Variants in IGSF3 observed in about 807,000 individuals in gnomAD.
IGSF3 encodes the protein glu-Trp-Ile EWI motif-containing protein 3.
In IGSF3, 23 loss-of-function variants were observed where a neutral mutation model predicts 114.4. That is an observed-to-expected ratio of 0.20 (90% CI 0.14 to 0.28). IGSF3 has a LOEUF of 0.28. Among genes scored for constraint, IGSF3 ranks in the 10% least tolerant of loss-of-function variants. The probability of loss-of-function intolerance (pLI) is 1.00; values close to 1 mark genes in which losing one functional copy is unlikely to be tolerated. For synonymous variants in IGSF3, 571 were observed against 645.2 expected (o/e 0.88, Z 1.74); for missense variants, 1,172 against 1,591.5 (o/e 0.74, Z 4.48).
rs918946861 is a variant in IGSF3 at position 116,582,849 on chromosome 1, T to C, written c.2848+1796A>G. Among the ~76,000 whole-genome samples, 1 of 152,228 alleles carries C rather than the reference T, an allele frequency of 6.6e-6. No homozygotes were observed. Among genetic ancestry groups the C allele is most frequent in the Non-Finnish European group, 1.5e-5 (1 of 68,032 alleles). On this transcript the variant is annotated intron_variant, in intron 9 of 10. Transcript: ENST00000369486. The surrounding 1 kb of genome is among the most constrained non-coding windows in gnomAD (Gnocchi z 4.7). ...GTAGGCCGTGAGATTATGGCTAACCTTTCTTTTCAAAATTATACTTTTCTG... is the reference window on the plus strand; with the variant it reads ...GTAGGCCGTGAGATTATGGCTAACCCTTCTTTTCAAAATTATACTTTTCTG...
rs185463328 is a variant in IGSF3 at position 116,661,378 on chromosome 1, G to A, written c.43+4906C>T. Among the ~76,000 whole-genome samples, 20 of 152,164 alleles carry A rather than the reference G, an allele frequency of 1.3e-4. No individual in the cohort carries two copies. Among genetic ancestry groups the A allele is most frequent in the Non-Finnish European group, 2.6e-4 (18 of 68,032 alleles). ...ACTACAGTAATGAACATGACAGATG[G>A]TCTTCAAGAATTTTATACAGAAGGT... On this transcript the variant is annotated intron_variant, in intron 2 of 10. Coordinates refer to ENST00000369486, the MANE Select transcript of IGSF3 (RefSeq NM_001007237.3). The surrounding 1 kb of genome is among the most constrained non-coding windows in gnomAD (Gnocchi z 4.0).
At position 116,607,208 on chromosome 1, in the gene IGSF3, A is replaced by G. The variant is rs1660823299; in HGVS notation, c.1222+734T>C. On this transcript the variant is annotated intron_variant, in intron 5 of 10. Transcript: ENST00000369486. This position sits in a 1 kb window ranked among gnomAD's most constrained non-coding sequence, Gnocchi z 6.1. ...GAACTATGGGAGAATGAGATTAATAAGAATATCTTGATACTATGAATGTTT... is the reference window on the plus strand; with the variant it reads ...GAACTATGGGAGAATGAGATTAATAGGAATATCTTGATACTATGAATGTTT... Among the ~76,000 whole-genome samples, 3 of 152,216 alleles carry G rather than the reference A, an allele frequency of 2.0e-5. No individual in the cohort carries two copies. The South Asian group carries it at 6.2e-4, about 32-fold the overall frequency.
In IGSF3 at chr1:116,592,454, T is replaced by C. The variant is rs1056780345; in HGVS notation, c.2030-3350A>G. ...CTTTGAGGGAGTGGCCCTTTCTTTC[T>C]GCAACTGGAGAGTTTCCTTCCCAGG... is the stretch of plus-strand genomic sequence containing the variant. On this transcript the variant is annotated intron_variant, in intron 7 of 10. Coordinates refer to ENST00000369486, the MANE Select transcript of IGSF3 (RefSeq NM_001007237.3). This position sits in a 1 kb window ranked among gnomAD's most constrained non-coding sequence, Gnocchi z 4.5. 6.6e-6 allele frequency among the ~76,000 whole-genome samples: 1 copy of C among 152,232 alleles called. No homozygotes were observed. Among genetic ancestry groups the C allele is most frequent in the African/African-American group, 2.4e-5 (1 of 41,462 alleles).
chr1:116,618,513 T>G lies in IGSF3; in HGVS notation c.44-2056A>C, dbSNP rs539085549. Among the ~76,000 whole-genome samples the G allele has an allele frequency of 1.2e-4, 18 of 152,322 alleles. No individual in the cohort carries two copies. The Middle Eastern group carries it at 0.014, about 115-fold the overall frequency. On this transcript the variant is annotated intron_variant, in intron 2 of 10. Transcript: ENST00000369486. The surrounding 1 kb of genome is among the most constrained non-coding windows in gnomAD (Gnocchi z 4.7). The stretch of plus-strand genomic sequence containing the variant: ...TGGCACTTAATGTTGGCATGGCAGA[T>G]CAAGTAGGGGAAATGACTGATATTC...
chr1:116,622,828 A>T (rs1661463346), intron 2 of IGSF3, among the ~76,000 whole-genome samples: 1 of 152,256 alleles, frequency 6.6e-6, no homozygotes, highest in Non-Finnish European at 1.5e-5. Context: ...GAGTTTTCTT[A>T]TTCCATGGCT....
intron 2 of IGSF3, among the ~76,000 whole-genome samples, chr1:116,619,758 C>T (rs1371217110): frequency 2.0e-5 from 3 of 151,810 alleles, no homozygotes; most frequent in African/African-American, 7.3e-5. Flanking sequence ...AAAGTTCCTC[C>T]CAGGCAAGGA....
rs1454323548 is a variant in IGSF3 at position 116,583,872 on chromosome 1, C to A, written c.2848+773G>T. ...AAGACAAGAAAAACAAAAGGCCACA[C>A]AGAATAGTTATTAGTACTAATAAAA... On this transcript the variant is annotated intron_variant, in intron 9 of 10. Coordinates refer to ENST00000369486, the MANE Select transcript of IGSF3 (RefSeq NM_001007237.3). The surrounding 1 kb of genome is among the most constrained non-coding windows in gnomAD (Gnocchi z 4.5). 6.6e-6 allele frequency among the ~76,000 whole-genome samples: 1 copy of A among 152,170 alleles called. No homozygotes were observed. Among genetic ancestry groups the A allele is most frequent in the Non-Finnish European group, 1.5e-5 (1 of 68,032 alleles).
intron 2 of IGSF3, 70 bp downstream of exon 2, chr1:116,666,214 C>A: frequency 2.8e-6 from 4 of 1,423,284 alleles, no homozygotes; most frequent in Middle Eastern, 1.8e-4. Flanking sequence ...AAAAGAACCA[C>A]GAGAAATTAC....
rs1013739492 is a variant in IGSF3 at position 116,654,564 on chromosome 1, C to T, written c.43+11720G>A. Among the ~76,000 whole-genome samples, 5 of 152,142 alleles carry T rather than the reference C, an allele frequency of 3.3e-5. No homozygotes were observed. The highest frequency in any genetic ancestry group is 7.4e-5 in the Non-Finnish European group (5 of 68,008). On this transcript the variant is annotated intron_variant, in intron 2 of 10. Coordinates refer to ENST00000369486, the MANE Select transcript of IGSF3 (RefSeq NM_001007237.3). This position sits in a 1 kb window ranked among gnomAD's most constrained non-coding sequence, Gnocchi z 4.4. Reference sequence around the variant, plus strand: ...TCACCCTCCCTTGCCAGGGCGCCCTCAGGGAGGCCACACTGCAGGAGGCAA... The same window carrying T: ...TCACCCTCCCTTGCCAGGGCGCCCTTAGGGAGGCCACACTGCAGGAGGCAA...
rs189983287 is a variant in IGSF3, at chr1:116,645,792, C to T, written c.43+20492G>A. ...GTGAGTAAGTGGCTCTAATGATCCA[C>T]AAACCTTCCAACCAGCCAAGTCAAG... On this transcript the variant is annotated intron_variant, in intron 2 of 10. Transcript: ENST00000369486. 5.0e-4 allele frequency among the ~76,000 whole-genome samples: 76 copies of T among 152,328 alleles called. 1 individual carries two copies. In the East Asian group the frequency reaches 0.014, roughly 27 times the overall value.
rs539371573 is a variant in IGSF3, at chr1:116,648,050, G to A, written c.43+18234C>T. 2.0e-5 allele frequency among the ~76,000 whole-genome samples: 3 copies of A among 152,292 alleles called. 1 individual carries two copies. Among genetic ancestry groups the A allele is most frequent in the South Asian group, 4.1e-4 (2 of 4,830 alleles). ...ACCTGGGAGGCAGAGGTTGCGATAAGCTGAGATTGGGCCACTGCACTCCAG... is the reference window on the plus strand; with the variant it reads ...ACCTGGGAGGCAGAGGTTGCGATAAACTGAGATTGGGCCACTGCACTCCAG... On this transcript the variant is annotated intron_variant, in intron 2 of 10. Transcript: ENST00000369486. This position sits in a 1 kb window ranked among gnomAD's most constrained non-coding sequence, Gnocchi z 4.7.
chr1:116,615,797 C>T lies in IGSF3; in HGVS notation c.421+283G>A, dbSNP rs1661193436. On this transcript the variant is annotated intron_variant, in intron 3 of 10. Transcript: ENST00000369486. This position sits in a 1 kb window ranked among gnomAD's most constrained non-coding sequence, Gnocchi z 4.3. Reference sequence around the variant, plus strand: ...ATTCAGATCATCAACCACAAACATCCTTGCCTTATATTTTCATATCCCTTT... The same window carrying T: ...ATTCAGATCATCAACCACAAACATCTTTGCCTTATATTTTCATATCCCTTT... Among the ~76,000 whole-genome samples, 2 of 152,234 alleles carry T rather than the reference C, an allele frequency of 1.3e-5. No individual in the cohort carries two copies. Among genetic ancestry groups the T allele is most frequent in the Admixed American group, 6.5e-5 (1 of 15,286 alleles).
rs558746257 is a variant in IGSF3 at position 116,578,957 on chromosome 1, C to G, written c.3334+435G>C. Among the ~76,000 whole-genome samples the G allele has an allele frequency of 3.3e-5, 5 of 152,162 alleles. No individual in the cohort carries two copies. The South Asian group carries it at 1.0e-3, about 31-fold the overall frequency. The stretch of plus-strand genomic sequence containing the variant: ...AAGGCACCCTCCAAAATAACAATAA[C>G]GCAGAAACTGGACAAAAAGAAATAA... On this transcript the variant is annotated intron_variant, in intron 10 of 10. Transcript: ENST00000369486.
rs768787385 is a variant in IGSF3 at position 116,588,872 on chromosome 1, G to A, written c.2262C>T (p.Leu754=). 2.5e-6 allele frequency: 4 copies of A among 1,614,218 alleles called. No homozygotes were observed. Among genetic ancestry groups the A allele is most frequent in the East Asian group, 2.2e-5 (1 of 44,886 alleles). The change falls in exon 8 of 11, where the codon CTC becomes CTT. Residue 754 remains leucine (L), a synonymous_variant. Coordinates refer to ENST00000369486, the MANE Select transcript of IGSF3 (RefSeq NM_001007237.3). The surrounding 1 kb of genome is among the most constrained non-coding windows in gnomAD (Gnocchi z 4.9). ...CCCCCGACACATGCCTCTCAAACTG[G>A]AGCCTGGCTCTCAGGCCCTCCTCCT... ...YAEEEGLRAR[L]QFERHVSGGL...
In IGSF3 at chr1:116,651,452, G is replaced by C. The variant is rs1648633256; in HGVS notation, c.43+14832C>G. On this transcript the variant is annotated intron_variant, in intron 2 of 10. Transcript: ENST00000369486. This position sits in a 1 kb window ranked among gnomAD's most constrained non-coding sequence, Gnocchi z 4.4. ...GGCACTCCAGTCTCACAGATATCCA[G>C]TCCCACAGTCTATATCACAGATCAC... Among the ~76,000 whole-genome samples, 1 of 152,168 alleles carries C rather than the reference G, an allele frequency of 6.6e-6. No individual in the cohort carries two copies. Among genetic ancestry groups the C allele is most frequent in the Non-Finnish European group, 1.5e-5 (1 of 68,038 alleles).
In IGSF3 at chr1:116,610,830, C is replaced by T. The variant is rs527865733; in HGVS notation, c.833-2499G>A. Among the ~76,000 whole-genome samples the T allele has an allele frequency of 6.6e-6, 1 of 152,354 alleles. No individual in the cohort carries two copies. Among genetic ancestry groups the T allele is most frequent in the Non-Finnish European group, 1.5e-5 (1 of 68,036 alleles). On this transcript the variant is annotated intron_variant, in intron 4 of 10. Coordinates refer to ENST00000369486, the MANE Select transcript of IGSF3 (RefSeq NM_001007237.3). The surrounding 1 kb of genome is among the most constrained non-coding windows in gnomAD (Gnocchi z 4.3). ...CCAGACCCCTGTGTCTGAGGACCCA[C>T]TGGGTGTTTCGCATACTGAGCATCT... is the stretch of plus-strand genomic sequence containing the variant.
At position 116,636,061 on chromosome 1, in the gene IGSF3, G is replaced by A. The variant is rs766415245; in HGVS notation, c.44-19604C>T. 1.6e-4 allele frequency among the ~76,000 whole-genome samples: 24 copies of A among 152,044 alleles called. No homozygotes were observed. The highest frequency in any genetic ancestry group is 3.1e-4 in the Non-Finnish European group (21 of 68,014). On this transcript the variant is annotated intron_variant, in intron 2 of 10. Transcript: ENST00000369486. The surrounding 1 kb of genome is among the most constrained non-coding windows in gnomAD (Gnocchi z 4.5). The stretch of plus-strand genomic sequence containing the variant: ...ACCCTTTCCCAGTACACCTCCACTC[G>A]CCAGAACAACTGTCTTCCTCACAGG...
rs72999999 is a variant in IGSF3, at chr1:116,634,214, T to C, written c.44-17757A>G. Among the ~76,000 whole-genome samples, 1,384 of 152,270 alleles carry C rather than the reference T, an allele frequency of 9.1e-3. 25 individuals carry two copies. The highest frequency in any genetic ancestry group is 0.032 in the African/African-American group (1,329 of 41,536). The stretch of plus-strand genomic sequence containing the variant: ...CGAAAAACAAATGAGTAAAAACACA[T>C]GCCACGACAAGGCAAAATGAGGAGA... On this transcript the variant is annotated intron_variant, in intron 2 of 10. Coordinates refer to ENST00000369486, the MANE Select transcript of IGSF3 (RefSeq NM_001007237.3). The surrounding 1 kb of genome is among the most constrained non-coding windows in gnomAD (Gnocchi z 4.2).
chr1:116,576,366 A>T lies in IGSF3; in HGVS notation c.*946T>A, dbSNP rs1484134730. On this transcript the variant is annotated 3_prime_UTR_variant, in exon 11 of 11. Transcript: ENST00000369486. This position sits in a 1 kb window ranked among gnomAD's most constrained non-coding sequence, Gnocchi z 4.6. ...GACACAGGCCCACCTGCTCACAGTT[A>T]ATCAGTTAGAGACCATCCTTGCAGC... is the stretch of plus-strand genomic sequence containing the variant. 6.5e-6 allele frequency: 1 copy of T among 152,710 alleles called. No homozygotes were observed. Among genetic ancestry groups the T allele is most frequent in the Non-Finnish European group, 1.5e-5 (1 of 68,108 alleles). The allele number at this position is 152,710 out of a possible 1,614,324, so 9.5% of individuals were successfully genotyped here. A position where few individuals can be genotyped will look rare whatever the true frequency, so the allele number is the denominator to read the frequency against.
Sources: gnomAD v4.1 joint callset for allele counts (sites outside exome capture counted in the v4.1 genomes callset) on GRCh38, gnomAD v4.1.1 for gene constraint, Gnocchi (gnomAD v3.1) non-coding constraint, MANE v1.5 for transcripts, NCBI Gene and HGNC (gene_info 2026-07-23, HGNC 2026-07-21) for gene names.